CDH12: variants seen among roughly 807,000 people sequenced by gnomAD.
The protein encoded by CDH12 is cadherin-12.
A neutral mutation model predicts 74.1 loss-of-function variants in CDH12; 41 were observed. The observed-to-expected ratio is 0.55, with a 90% CI of 0.43 to 0.72. The LOEUF (loss-of-function observed/expected upper bound fraction) is 0.72, where lower values mean the gene tolerates loss of function less well. Among genes scored for constraint, CDH12 ranks in the 30% least tolerant of loss-of-function variants. The pLI is 0.00. For missense variants in CDH12, 945 were observed against 977.2 expected (o/e 0.97, Z 0.44); for synonymous variants, 399 against 355.0 (o/e 1.12, Z -1.39).
chr5:21,956,330 G>T (rs1288521840), intron 6 of CDH12, among the ~76,000 whole-genome samples: 4 of 151,718 alleles, frequency 2.6e-5, no homozygotes, highest in African/African-American at 4.8e-5. Flanking sequence ...GATCAGAAAT[G>T]TATTAAAATT....
chr5:21,938,195 C>G (rs1755159420), intron 6 of CDH12, among the ~76,000 whole-genome samples: 4 of 151,850 alleles, frequency 2.6e-5, no homozygotes, highest in Admixed American at 2.0e-4. Context: ...GGCTCTCTCT[C>G]CAGAGTAGTT....
intron 5 of CDH12, among the ~76,000 whole-genome samples, chr5:22,043,534 G>C (rs1047641869): frequency 6.6e-6 from 1 of 151,980 alleles, no homozygotes; most frequent in African/African-American, 2.4e-5. Flanking sequence ...TATGAAACAA[G>C]ACAGAGATGC....
chr5:22,616,875 T>C (rs530340193), intron 1 of CDH12, among the ~76,000 whole-genome samples: 1 of 152,054 alleles, frequency 6.6e-6, no homozygotes, highest in East Asian at 2.0e-4. Flanking sequence ...TTCACTTTTT[T>C]TTTTCTTACC....
At chr5:22,150,513 GTA>G (rs199929334) in intron 4 of CDH12, among the ~76,000 whole-genome samples, 3 of 134,312 alleles carry the variant, frequency 2.2e-5, no homozygotes, top group Admixed American at 1.6e-4. Flanking sequence ...ACATATATAT[GTA>G]TATATATAGA....
At chr5:22,394,239 A>G (rs1028670818) in intron 3 of CDH12, among the ~76,000 whole-genome samples, 2 of 151,996 alleles carry the variant, frequency 1.3e-5, no homozygotes, top group Non-Finnish European at 2.9e-5. Context: ...TATCCAGAGG[A>G]AAAAAAATCT....
At chr5:22,256,837 G>C (rs1333723584) in intron 3 of CDH12, among the ~76,000 whole-genome samples, 1 of 152,040 alleles carries the variant, frequency 6.6e-6, no homozygotes. Context: ...CCCATTACTA[G>C]GGAATATACC....
chr5:22,657,613 G>T (rs1481837391), intron 1 of CDH12, among the ~76,000 whole-genome samples: 2 of 151,980 alleles, frequency 1.3e-5, no homozygotes, highest in African/African-American at 2.4e-5. Context: ...CACATTTTTA[G>T]AACTAATTTG....
intron 8 of CDH12, among the ~76,000 whole-genome samples, chr5:21,829,628 T>C (rs1390470088): frequency 1.3e-5 from 2 of 152,162 alleles, no homozygotes; most frequent in Admixed American, 6.5e-5. Context: ...CTAAGACCAA[T>C]AACAAGGCAA....
At chr5:21,795,961 AT>A (rs1158359790) in intron 10 of CDH12, among the ~76,000 whole-genome samples, 2 of 152,062 alleles carry the variant, frequency 1.3e-5, no homozygotes, top group Non-Finnish European at 2.9e-5. Flanking sequence ...ATATAAGATC[AT>A]TTTTGTGGAA....
At chr5:22,675,282 G>A (rs1173493602) in intron 1 of CDH12, among the ~76,000 whole-genome samples, 3 of 152,144 alleles carry the variant, frequency 2.0e-5, no homozygotes, top group Admixed American at 6.5e-5. Context: ...ATAGAGCTTG[G>A]GCTGTTGCTT....
chr5:22,774,749 G>A (rs931298651), intron 1 of CDH12, among the ~76,000 whole-genome samples: 3 of 151,794 alleles, frequency 2.0e-5, no homozygotes, highest in African/African-American at 7.3e-5. Context: ...ACCAGTTTTG[G>A]GTATATCTTT....
chr5:22,381,866 G>C (rs941745837), intron 3 of CDH12, among the ~76,000 whole-genome samples: 17 of 150,868 alleles, frequency 1.1e-4, no homozygotes, highest in Non-Finnish European at 2.1e-4. Context: ...AGATTAGGGA[G>C]GGACATTCAT....
intron 3 of CDH12, among the ~76,000 whole-genome samples, chr5:22,291,316 C>T (rs2150413312): frequency 6.6e-6 from 1 of 152,230 alleles, no homozygotes; most frequent in Non-Finnish European, 1.5e-5. Context: ...AGAATGCCAA[C>T]TCTTGCCATT....
intron 3 of CDH12, among the ~76,000 whole-genome samples, chr5:22,220,654 AT>A: frequency 6.6e-6 from 1 of 151,544 alleles, no homozygotes; most frequent in East Asian, 1.9e-4. Flanking sequence ...TCTGCTTTGT[AT>A]ATATGTTTAT....
intron 12 of CDH12, among the ~76,000 whole-genome samples, chr5:21,761,250 A>T (rs1341082452): frequency 6.6e-6 from 1 of 152,104 alleles, no homozygotes; most frequent in Non-Finnish European, 1.5e-5. Context: ...CTGTTACAAA[A>T]TTTTTCCTAA....
intron 1 of CDH12, among the ~76,000 whole-genome samples, chr5:22,776,850 A>G (rs1416334761): frequency 1.3e-5 from 2 of 152,208 alleles, no homozygotes; most frequent in Non-Finnish European, 2.9e-5. Flanking sequence ...ACATTTGGAC[A>G]TAGTTTCAGG....
chr5:22,222,818 AACTC>A (rs1428757701), intron 3 of CDH12, among the ~76,000 whole-genome samples: 1 of 151,998 alleles, frequency 6.6e-6, no homozygotes, highest in Non-Finnish European at 1.5e-5. Context: ...ATAATTAAGA[AACTC>A]ACTCTAAAGC....
intron 3 of CDH12, among the ~76,000 whole-genome samples, chr5:22,334,741 T>C (rs192324593): frequency 2.0e-5 from 3 of 152,106 alleles, no homozygotes; most frequent in Middle Eastern, 6.8e-3. Flanking sequence ...CAAGAACATA[T>C]ATTGGGGAAA....
At chr5:22,163,803 A>G (rs1748502421) in intron 4 of CDH12, among the ~76,000 whole-genome samples, 1 of 152,194 alleles carries the variant, frequency 6.6e-6, no homozygotes, top group Non-Finnish European at 1.5e-5. Flanking sequence ...TGAAGCAGGA[A>G]GAATTCCATG....
Sources: allele counts gnomAD v4.1 joint callset (sites outside exome capture counted in the v4.1 genomes callset), GRCh38; gene constraint gnomAD v4.1.1; transcripts MANE v1.5; gene names NCBI Gene and HGNC (gene_info 2026-07-23, HGNC 2026-07-21).